The following SKIL variants were observed in gnomAD, a reference collection of about 807,000 sequenced individuals.
SKIL encodes ski-like protein.
Under a neutral mutation model 69.6 loss-of-function variants are expected in SKIL, and 20 were observed. That is an observed-to-expected ratio of 0.29 (90% CI 0.20 to 0.42). The LOEUF is 0.42. Among genes scored for constraint, SKIL ranks in the 10% least tolerant of loss-of-function variants. The pLI is 1.00. For missense variants in SKIL, 745 were observed against 783.1 expected, an observed-to-expected ratio of 0.95 and a Z score of 0.58; for synonymous variants, 310 against 279.9, an observed-to-expected ratio of 1.11 and a Z score of -1.08.
intron 2 of SKIL, among the ~76,000 whole-genome samples, chr3:170,378,210 G>A (rs1737133105): frequency 6.6e-6 from 1 of 152,134 alleles, no homozygotes; most frequent in South Asian, 2.1e-4. Context: ...CCTTTAGTTG[G>A]CCCTAAGTCA....
At chr3:170,378,041 G>A (rs998503516) in intron 2 of SKIL, among the ~76,000 whole-genome samples, 16 of 151,590 alleles carry the variant, frequency 1.1e-4, no homozygotes, top group African/African-American at 9.7e-5. Flanking sequence ...TTACAGGTGC[G>A]TACCACCACA....
At position 170,379,713 on chromosome 3, in the gene SKIL, G is replaced by A. The variant is rs1469230952; in HGVS notation, c.1099-1531G>A. Among the ~76,000 whole-genome samples the A allele has an allele frequency of 4.0e-5, 6 of 151,862 alleles. No homozygotes were observed. The East Asian group carries it at 1.2e-3, about 29-fold the overall frequency. ...GGCTGGAGTGCAGTGGCATGATCTT[G>A]GCTCACTGCACCCTCCATCTCCTGG... On this transcript the variant is annotated intron_variant, in intron 2 of 6. Coordinates refer to ENST00000259119, the MANE Select transcript of SKIL (RefSeq NM_005414.5).
In SKIL at chr3:170,392,420, A is replaced by G. The variant is rs1319961498; in HGVS notation, c.*3A>G. On this transcript the variant is annotated 3_prime_UTR_variant, in exon 7 of 7. Transcript: ENST00000259119. ...CATCAAAGACTGCTAAAGAATAGAA[A>G]CTGTTAAAGAGATTCATCTGTGTAT... The G allele has an allele frequency of 1.3e-6, 2 of 1,597,646 alleles. No homozygotes were observed. The highest frequency in any genetic ancestry group is 2.2e-5 in the East Asian group (1 of 44,706).
chr3:170,388,957 C>T (rs369402883), intron 4 of SKIL, among the ~76,000 whole-genome samples: 3 of 151,912 alleles, frequency 2.0e-5, no homozygotes, highest in African/African-American at 4.8e-5. Flanking sequence ...GCAACCTCCA[C>T]CTCCCGGGTT....
intron 2 of SKIL, among the ~76,000 whole-genome samples, chr3:170,379,989 G>A (rs1242595737): frequency 6.6e-6 from 1 of 152,112 alleles, no homozygotes; most frequent in Non-Finnish European, 1.5e-5. Context: ...CTGTAAAATG[G>A]TAATGATACC....
rs1736159161 is a variant in SKIL, at chr3:170,360,327, G to A, written c.-5G>A. The A allele has an allele frequency of 6.5e-7, 1 of 1,545,730 alleles. No individual in the cohort carries two copies. On this transcript the variant is annotated 5_prime_UTR_variant, in exon 2 of 7. Coordinates refer to ENST00000259119, the MANE Select transcript of SKIL (RefSeq NM_005414.5). ...AGACTTAATTATTTAACAGAAGAGT[G>A]TACCATGGAAAACCTCCAGACAAAT... is the stretch of plus-strand genomic sequence containing the variant.
At chr3:170,382,687 G>T (rs1327456401) in intron 3 of SKIL, among the ~76,000 whole-genome samples, 1 of 148,568 alleles carries the variant, frequency 6.7e-6, no homozygotes, top group Admixed American at 6.8e-5. Context: ...AGGATTACAG[G>T]TGTGAGCCAC....
In SKIL at chr3:170,361,554, T is replaced by G. The variant is rs1055406500; in HGVS notation, c.1098+125T>G. ...CATGCAACAACAACAAAATACCGAT[T>G]GATATATTTGTATTGCAGTTTTTAG... On this transcript the variant is annotated intron_variant, in intron 2 of 6. Coordinates refer to ENST00000259119, the MANE Select transcript of SKIL (RefSeq NM_005414.5). 7.7e-6 allele frequency: 6 copies of G among 774,482 alleles called. No homozygotes were observed. In the African/African-American group the frequency reaches 1.0e-4, roughly 14 times the overall value. 48.0% of individuals were successfully genotyped at this position (774,482 alleles called of 1,614,324 possible).
In SKIL at chr3:170,394,099, T is replaced by C. The variant is rs1049752383; in HGVS notation, c.*1682T>C. 1 of 149,482 alleles carries C rather than the reference T, an allele frequency of 6.7e-6. No homozygotes were observed. Among genetic ancestry groups the C allele is most frequent in the Admixed American group, 6.7e-5 (1 of 14,892 alleles). The allele number at this position is 149,482 out of a possible 1,614,324, so 9.3% of individuals were successfully genotyped here. A position where few individuals can be genotyped will look rare whatever the true frequency, so the allele number is the denominator to read the frequency against. On this transcript the variant is annotated 3_prime_UTR_variant, in exon 7 of 7. Coordinates refer to ENST00000259119, the MANE Select transcript of SKIL (RefSeq NM_005414.5). ...TCTCAAGGAGGAACAAATATTAAAA[T>C]GACATGTAGAAACAAATTTTTTTTT...
chr3:170,388,493 C>T (rs955183531), intron 4 of SKIL, among the ~76,000 whole-genome samples: 2 of 151,958 alleles, frequency 1.3e-5, no homozygotes, highest in Admixed American at 6.6e-5. Flanking sequence ...GGCTGTATCA[C>T]CCCAGCTTGG....
chr3:170,361,954 GGACTC>G (rs1442238430), intron 2 of SKIL, among the ~76,000 whole-genome samples: 1 of 151,984 alleles, frequency 6.6e-6, no homozygotes, highest in Non-Finnish European at 1.5e-5. Context: ...TGTTTTTCTA[GGACTC>G]GATAATTTGC....
Position 170,360,905 on chromosome 3 carries a change from A to T in SKIL, c.574A>T (p.Ile192Leu), listed in dbSNP as rs142079654. The part of the protein sequence containing the change: ...QINTVCDELY[I>L]YCSRCTSDQL... ...AAATACAGTGTGTGATGAACTGTAC[A>T]TATATTGTTCAAGGTGTACTTCAGA... Residue 192 changes from isoleucine to leucine, a missense_variant, in exon 2 of 7, where the codon ATA becomes TTA. Ile to Leu is a conservative substitution (Grantham distance 5). Transcript: ENST00000259119. The T allele has an allele frequency of 2.2e-5, 36 of 1,614,032 alleles. No individual in the cohort carries two copies. Among genetic ancestry groups the T allele is most frequent in the Non-Finnish European group, 2.9e-5 (34 of 1,179,986 alleles).
chr3:170,390,916 A>C (rs1358523980), intron 5 of SKIL, 120 bp from the exon 6 acceptor site: 1 of 624,496 alleles, frequency 1.6e-6, no homozygotes, highest in East Asian at 2.8e-5. Flanking sequence ...AATTACCTCT[A>C]TATAGAACTG....
rs940206192 is a variant in SKIL at position 170,369,080 on chromosome 3, G to A, written c.1098+7651G>A. Among the ~76,000 whole-genome samples, 4 of 101,518 alleles carry A rather than the reference G, an allele frequency of 3.9e-5. No individual in the cohort carries two copies. In the Admixed American group the frequency reaches 5.5e-4, roughly 14 times the overall value. The allele number at this position is 101,518 out of a possible 152,430, so 66.6% of individuals were successfully genotyped here. A position where few individuals can be genotyped will look rare whatever the true frequency, so the allele number is the denominator to read the frequency against. Reference sequence around the variant, plus strand: ...GATATGTGGACCCTCCCTATCCCTGGCATTTTTTTTTTTTTTTTTTTTTTT... The same window carrying A: ...GATATGTGGACCCTCCCTATCCCTGACATTTTTTTTTTTTTTTTTTTTTTT... On this transcript the variant is annotated intron_variant, in intron 2 of 6. Transcript: ENST00000259119.
rs537668000 is a variant in SKIL, at chr3:170,362,058, T to C, written c.1098+629T>C. ...CATTTTTCAGAGATACACCTATGAT[T>C]TCTGATGTTTCTATGTTTGGATATT... is the stretch of plus-strand genomic sequence containing the variant. On this transcript the variant is annotated intron_variant, in intron 2 of 6. Coordinates refer to ENST00000259119, the MANE Select transcript of SKIL (RefSeq NM_005414.5). Among the ~76,000 whole-genome samples, 16 of 152,316 alleles carry C rather than the reference T, an allele frequency of 1.1e-4. No homozygotes were observed. In the South Asian group the frequency reaches 3.3e-3, roughly 32 times the overall value.
intron 2 of SKIL, among the ~76,000 whole-genome samples, chr3:170,370,957 AC>A (rs1213903091): frequency 2.0e-5 from 3 of 152,162 alleles, no homozygotes; most frequent in African/African-American, 7.2e-5. Flanking sequence ...CTCAAAAAAA[AC>A]AAGACAAAAC....
intron 2 of SKIL, among the ~76,000 whole-genome samples, chr3:170,367,148 G>T (rs1303239372): frequency 6.6e-6 from 1 of 152,004 alleles, no homozygotes; most frequent in Non-Finnish European, 1.5e-5. Context: ...TCGCTCTGTT[G>T]ACCAGGCTGG....
chr3:170,374,770 G>A (rs187218039), intron 2 of SKIL, among the ~76,000 whole-genome samples: 3 of 152,244 alleles, frequency 2.0e-5, no homozygotes, highest in Admixed American at 2.0e-4. Context: ...CAGCATATTA[G>A]GTAAAATTAG....
rs1250856118 is a variant in SKIL, at chr3:170,367,878, A to G, written c.1098+6449A>G. On this transcript the variant is annotated intron_variant, in intron 2 of 6. Coordinates refer to ENST00000259119, the MANE Select transcript of SKIL (RefSeq NM_005414.5). ...TCTCTATAGATTACTTATGATACAA[A>G]CAGATGACCTAAAGATAGCAACTTA... Among the ~76,000 whole-genome samples, 9 of 152,318 alleles carry G rather than the reference A, an allele frequency of 5.9e-5. No homozygotes were observed. The South Asian group carries it at 1.4e-3, about 25-fold the overall frequency.
Sources: allele counts gnomAD v4.1 joint callset (sites outside exome capture counted in the v4.1 genomes callset), GRCh38; gene constraint gnomAD v4.1.1; transcripts MANE v1.5; gene names NCBI Gene and HGNC (gene_info 2026-07-23, HGNC 2026-07-21).